ATP2B2: variants seen among roughly 807,000 people sequenced by gnomAD.
The protein encoded by ATP2B2 is ATPase plasma membrane Ca2+ transporting 2.
In ATP2B2, 15 loss-of-function variants were observed where a neutral mutation model predicts 120.0. The observed-to-expected ratio is 0.12, with a 90% CI of 0.08 to 0.19. The LOEUF (loss-of-function observed/expected upper bound fraction) is 0.19. Among genes scored for constraint, ATP2B2 ranks in the 10% least tolerant of loss-of-function variants. The pLI, the probability that ATP2B2 is intolerant of heterozygous loss-of-function variation, is 1.00. For synonymous variants in ATP2B2, 694 were observed against 700.3 expected (o/e 0.99, Z 0.14); for missense variants, 1,045 against 1,719.8 (o/e 0.61, Z 6.94).
intron 1 of ATP2B2, among the ~76,000 whole-genome samples, chr3:10,493,754 C>G (rs375568579): frequency 6.6e-6 from 1 of 152,070 alleles, no homozygotes; most frequent in Admixed American, 6.6e-5. Context: ...CAAAAACAAA[C>G]AAAACACACT....
chr3:10,455,694 C>CCTGGA (rs144031728), intron 1 of ATP2B2, among the ~76,000 whole-genome samples: 8,460 of 152,260 alleles, frequency 0.056, 773 homozygotes, highest in African/African-American at 0.19. Flanking sequence ...GGCACACAGG[C>CCTGGA]CTGGACAGGG....
chr3:10,490,689 G>T (rs553024103), intron 1 of ATP2B2, among the ~76,000 whole-genome samples: 6 of 152,080 alleles, frequency 3.9e-5, no homozygotes, highest in Non-Finnish European at 5.9e-5. Context: ...GTGAGCCACC[G>T]CGCCCAGCAA....
intron 14 of ATP2B2, among the ~76,000 whole-genome samples, chr3:10,350,788 A>G (rs536595736): frequency 6.6e-6 from 1 of 152,310 alleles, no homozygotes; most frequent in East Asian, 1.9e-4. Flanking sequence ...ACATCCTTTG[A>G]TTAAACCCTG....
At chr3:10,334,603 C>T (rs1343907126) in intron 22 of ATP2B2, among the ~76,000 whole-genome samples, 1 of 152,176 alleles carries the variant, frequency 6.6e-6, no homozygotes, top group African/African-American at 2.4e-5. Context: ...AAATGCATCT[C>T]CATTTCATCT....
rs143568435 is a variant in ATP2B2, at chr3:10,401,853, A to G, written c.655+238T>C. Among the ~76,000 whole-genome samples the G allele has an allele frequency of 1.1e-3, 172 of 152,252 alleles. 6 individuals are homozygous for G. The South Asian group carries it at 0.027, about 24-fold the overall frequency. Reference sequence around the variant, plus strand: ...ATGTCTGCTATGGGTGGAAGTTTGGAGAGTGGTAGCACATGTGCCATGTAC... The same window carrying G: ...ATGTCTGCTATGGGTGGAAGTTTGGGGAGTGGTAGCACATGTGCCATGTAC... On this transcript the variant is annotated intron_variant, in intron 4 of 22. Coordinates refer to ENST00000360273, the MANE Select transcript of ATP2B2 (RefSeq NM_001001331.4).
chr3:10,443,559 G>A (rs1270921390), intron 2 of ATP2B2, among the ~76,000 whole-genome samples: 1 of 152,032 alleles, frequency 6.6e-6, no homozygotes, highest in Non-Finnish European at 1.5e-5. Flanking sequence ...AGCTGCCGGA[G>A]CCCCCATGTG....
chr3:10,610,270 C>T (rs2069196963), intron 2 of ATP2B2, among the ~76,000 whole-genome samples: 1 of 151,850 alleles, frequency 6.6e-6, no homozygotes, highest in African/African-American at 2.4e-5. Flanking sequence ...AGCCGAAGGG[C>T]ATGAGCCTTT....
At chr3:10,484,350 T>G (rs1319436980) in intron 1 of ATP2B2, among the ~76,000 whole-genome samples, 1 of 152,052 alleles carries the variant, frequency 6.6e-6, no homozygotes. Flanking sequence ...GCCTCTCCCG[T>G]GGGCACAGGC....
At chr3:10,433,256 C>A (rs2063376832) in intron 2 of ATP2B2, among the ~76,000 whole-genome samples, 1 of 152,156 alleles carries the variant, frequency 6.6e-6, no homozygotes, top group Non-Finnish European at 1.5e-5. Context: ...TGGGGCTCAC[C>A]CAGGGATTTT....
At chr3:10,499,972 G>A (rs949961817) in intron 1 of ATP2B2, among the ~76,000 whole-genome samples, 2 of 128,830 alleles carry the variant, frequency 1.6e-5, no homozygotes, top group Admixed American at 9.2e-5. Flanking sequence ...GTCTCACTCT[G>A]TCACCCAGGC....
chr3:10,570,426 C>T (rs1436855470), intron 2 of ATP2B2: 1 of 152,224 alleles, frequency 6.6e-6, no homozygotes, highest in Non-Finnish European at 1.5e-5. Flanking sequence ...GGCGACCACC[C>T]ACTCTGCTTA....
At chr3:10,606,670 T>C (rs1053511015) in intron 2 of ATP2B2, among the ~76,000 whole-genome samples, 1 of 152,120 alleles carries the variant, frequency 6.6e-6, no homozygotes, top group Non-Finnish European at 1.5e-5. Context: ...TCTGTGTGTC[T>C]GTGCCAGGTA....
intron 1 of ATP2B2, among the ~76,000 whole-genome samples, chr3:10,623,704 T>C (rs758422193): frequency 6.6e-6 from 1 of 152,190 alleles, no homozygotes; most frequent in Non-Finnish European, 1.5e-5. Flanking sequence ...GTGATACCAC[T>C]GTTCAGTCAA....
intron 3 of ATP2B2, among the ~76,000 whole-genome samples, chr3:10,518,444 G>A (rs1414595799): frequency 1.3e-5 from 2 of 152,158 alleles, no homozygotes; most frequent in East Asian, 1.9e-4. Context: ...GAGGTTAGAA[G>A]GGATAGGGGA....
chr3:10,459,760 C>T (rs1422474847), intron 1 of ATP2B2, among the ~76,000 whole-genome samples: 1 of 152,240 alleles, frequency 6.6e-6, no homozygotes, highest in East Asian at 1.9e-4. Context: ...CTGCTTTATG[C>T]ACTTAGCTTG....
chr3:10,377,015 A>G (rs1194444259), intron 10 of ATP2B2, among the ~76,000 whole-genome samples: 1 of 152,182 alleles, frequency 6.6e-6, no homozygotes, highest in East Asian at 1.9e-4. Flanking sequence ...CTGCCTACCC[A>G]TCTCAGGGAA....
At chr3:10,627,269 C>T (rs560176690) in intron 1 of ATP2B2, among the ~76,000 whole-genome samples, 27 of 152,316 alleles carry the variant, frequency 1.8e-4, no homozygotes, top group African/African-American at 5.8e-4. Context: ...AAGTGGTCCC[C>T]GGGGGCAGCA....
intron 3 of ATP2B2, among the ~76,000 whole-genome samples, chr3:10,518,061 C>T (rs1411222993): frequency 1.3e-5 from 2 of 152,094 alleles, no homozygotes; most frequent in Non-Finnish European, 2.9e-5. Flanking sequence ...GTGGGGAGGG[C>T]TTGAAACCTC....
intron 1 of ATP2B2, among the ~76,000 whole-genome samples, chr3:10,629,468 CAT>C (rs2069802879): frequency 6.6e-6 from 1 of 152,224 alleles, no homozygotes. Context: ...TGATAGGGCA[CAT>C]TTCCCGCCGA....
Sources: gnomAD v4.1 joint callset for allele counts (sites outside exome capture counted in the v4.1 genomes callset) on GRCh38, gnomAD v4.1.1 for gene constraint, MANE v1.5 for transcripts, NCBI Gene and HGNC (gene_info 2026-07-23, HGNC 2026-07-21) for gene names.